COPG2: variants seen among roughly 807,000 people sequenced by gnomAD.
COPG2 encodes the protein coatomer subunit gamma-2.
A neutral mutation model predicts 46.3 loss-of-function variants in COPG2; 37 were observed. The ratio of observed to expected loss-of-function variants is 0.80; its 90% CI spans 0.61 to 1.05. The LOEUF (loss-of-function observed/expected upper bound fraction) is 1.05. Among genes scored for constraint, COPG2 ranks in the 50% least tolerant of loss-of-function variants. The pLI is 0.00. For missense variants in COPG2, 427 were observed against 387.8 expected (o/e 1.10, Z -0.85); for synonymous variants, 159 against 129.7 (o/e 1.23, Z -1.53).
chr7:130,507,717 G>T lies in COPG2; in HGVS notation c.2354C>A (p.Thr785Asn). ...EVGDTFEKEE[T>N]FALSSTKTLE... ...GGTTTTGGTAGAACTGAGGGCAAAG[G>T]TTTCCTCTTTCTCAAAGGTATCTCC... is the stretch of plus-strand genomic sequence containing the variant. The change falls in exon 22 of 24, where the codon ACC (threonine) becomes AAC (asparagine). Residue 785 changes from threonine to asparagine, a missense_variant. Coordinates refer to ENST00000425248, the MANE Select transcript of COPG2 (RefSeq NM_012133.6). The T allele has an allele frequency of 1.3e-6, 1 of 780,446 alleles. No homozygotes were observed. The highest frequency in any genetic ancestry group is 2.4e-6 in the Non-Finnish European group (1 of 417,870). 48.3% of individuals were successfully genotyped at this position (780,446 alleles called of 1,614,324 possible). A position where few individuals can be genotyped will look rare whatever the true frequency, so the allele number is the denominator to read the frequency against.
chr7:130,516,788 A>G (rs1297005741), intron 20 of COPG2, among the ~76,000 whole-genome samples: 2 of 152,148 alleles, frequency 1.3e-5, no homozygotes, highest in Non-Finnish European at 2.9e-5. Flanking sequence ...CTGTCCAGGA[A>G]GCTTTGTTGG....
At chr7:130,642,245 C>CTTT (rs34046542) in intron 5 of COPG2, among the ~76,000 whole-genome samples, 1 of 149,318 alleles carries the variant, frequency 6.7e-6, no homozygotes. Flanking sequence ...AACTACATCT[C>CTTT]TTTTTTTTTT....
chr7:130,528,383 A>AC (rs1351846354), intron 20 of COPG2, among the ~76,000 whole-genome samples: 1 of 151,726 alleles, frequency 6.6e-6, no homozygotes, highest in Non-Finnish European at 1.5e-5. Context: ...GCTGGAAGGT[A>AC]CCCATAGCCT....
chr7:130,643,199 G>A (rs1362736609), intron 5 of COPG2, among the ~76,000 whole-genome samples: 1 of 151,278 alleles, frequency 6.6e-6, no homozygotes, highest in Non-Finnish European at 1.5e-5. Context: ...GGAGGCTGAG[G>A]CAGTAGGATG....
chr7:130,589,600 T>C (rs1412770827), intron 9 of COPG2, among the ~76,000 whole-genome samples: 3 of 152,222 alleles, frequency 2.0e-5, no homozygotes, highest in Non-Finnish European at 4.4e-5. Context: ...TACTTTTTAA[T>C]AGACACTACC....
chr7:130,567,719 A>G (rs1414152172), intron 9 of COPG2, among the ~76,000 whole-genome samples: 1 of 152,250 alleles, frequency 6.6e-6, no homozygotes, highest in Non-Finnish European at 1.5e-5. Context: ...ACTAAGCTTC[A>G]TAAATGAAGG....
At chr7:130,647,844 C>T (rs188670281) in intron 5 of COPG2, among the ~76,000 whole-genome samples, 2 of 151,934 alleles carry the variant, frequency 1.3e-5, no homozygotes, top group East Asian at 1.9e-4. Context: ...AATTCTCCTG[C>T]CTCAGCCTCC....
intron 9 of COPG2, among the ~76,000 whole-genome samples, chr7:130,567,201 A>C (rs1204386951): frequency 6.6e-6 from 1 of 152,164 alleles, no homozygotes; most frequent in Non-Finnish European, 1.5e-5. Context: ...TTGAGTGCAC[A>C]TGGTCACAAA....
intron 5 of COPG2, among the ~76,000 whole-genome samples, chr7:130,644,802 C>T (rs1554457853): frequency 6.6e-6 from 1 of 152,128 alleles, no homozygotes; most frequent in African/African-American, 2.4e-5. Flanking sequence ...TGGCTCACGC[C>T]TGTAATCCCA....
At chr7:130,588,165 T>C (rs1173991409) in intron 9 of COPG2, among the ~76,000 whole-genome samples, 73 of 151,522 alleles carry the variant, frequency 4.8e-4, no homozygotes, top group Non-Finnish European at 9.2e-4. Flanking sequence ...GGAGAGGATG[T>C]GGAGAAATAG....
At position 130,631,855 on chromosome 7, in the gene COPG2, A is replaced by G. The variant is rs1330448166; in HGVS notation, c.324-14790T>C. 7.9e-5 allele frequency among the ~76,000 whole-genome samples: 12 copies of G among 152,310 alleles called. No homozygotes were observed. The South Asian group carries it at 8.3e-4, about 11-fold the overall frequency. On this transcript the variant is annotated intron_variant, in intron 5 of 23. Transcript: ENST00000425248. ...ATTCTTCATTTCTTTGCATAGATCC[A>G]TATCTTCATTATCATTTTCATCCTG...
intron 5 of COPG2, chr7:130,645,443 G>A (rs1795577322): frequency 2.6e-6 from 1 of 386,160 alleles, no homozygotes; most frequent in African/African-American, 2.1e-5. Context: ...GGGCGAAGAT[G>A]ATGTCTTTCT....
chr7:130,549,931 T>C (rs917948382), intron 17 of COPG2, among the ~76,000 whole-genome samples: 16 of 152,208 alleles, frequency 1.1e-4, no homozygotes, highest in Admixed American at 1.0e-3. Context: ...AAAATAAAAA[T>C]AGGAGGCGAC....
chr7:130,603,646 G>A lies in COPG2; in HGVS notation c.737+7307C>T, dbSNP rs192660939. ...TGAGGCAGGAGAATCAATTGAACCC[G>A]GGAGGCAGAGGTTGCAGTGAGCCAA... On this transcript the variant is annotated intron_variant, in intron 9 of 23. Transcript: ENST00000425248. Among the ~76,000 whole-genome samples, 24 of 150,992 alleles carry A rather than the reference G, an allele frequency of 1.6e-4. No individual in the cohort carries two copies. The East Asian group carries it at 2.9e-3, about 18-fold the overall frequency.
chr7:130,628,309 A>C (rs904178815), intron 5 of COPG2, among the ~76,000 whole-genome samples: 1 of 151,972 alleles, frequency 6.6e-6, no homozygotes, highest in Non-Finnish European at 1.5e-5. Flanking sequence ...TAACTTTGGT[A>C]CCAACTATTT....
intron 20 of COPG2, among the ~76,000 whole-genome samples, chr7:130,531,624 G>A (rs1799826254): frequency 6.6e-6 from 1 of 152,274 alleles, no homozygotes; most frequent in South Asian, 2.1e-4. Context: ...GTATTTCAGA[G>A]AGAAAATAAG....
intron 4 of COPG2, among the ~76,000 whole-genome samples, chr7:130,658,443 T>C (rs1795899535): frequency 6.6e-6 from 1 of 152,172 alleles, no homozygotes; most frequent in Non-Finnish European, 1.5e-5. Flanking sequence ...ATGGAAATGT[T>C]CTAAACCTCA....
chr7:130,548,687 G>A (rs1040181914), intron 18 of COPG2, 145 bp from the exon 19 acceptor site: 20 of 379,532 alleles, frequency 5.3e-5, no homozygotes, highest in African/African-American at 2.5e-4. Context: ...CGGATCACGA[G>A]GTCAGGAGAT....
intron 20 of COPG2, among the ~76,000 whole-genome samples, chr7:130,511,288 G>A (rs1554440970): frequency 6.6e-6 from 1 of 152,178 alleles, no homozygotes; most frequent in Non-Finnish European, 1.5e-5. Flanking sequence ...TATGTCACTA[G>A]GGCAAAAGAT....
Sources: gnomAD v4.1 joint callset for allele counts (sites outside exome capture counted in the v4.1 genomes callset) on GRCh38, gnomAD v4.1.1 for gene constraint, MANE v1.5 for transcripts, NCBI Gene and HGNC (gene_info 2026-07-23, HGNC 2026-07-21) for gene names.